The following RORA variants were observed in gnomAD, a reference collection of about 807,000 sequenced individuals.
RORA encodes the protein nuclear receptor ROR-alpha.
RORA carries 7 observed loss-of-function variants against 69.5 expected under a neutral mutation model. The observed-to-expected ratio is 0.10, with a 90% CI of 0.06 to 0.19. The LOEUF (loss-of-function observed/expected upper bound fraction) is 0.19, where lower values mean the gene tolerates loss of function less well. Among genes scored for constraint, RORA ranks in the 10% least tolerant of loss-of-function variants. RORA has a pLI of 1.00. For missense variants in RORA, 457 were observed against 663.0 expected (o/e 0.69, Z 3.41); for synonymous variants, 261 against 240.8 (o/e 1.08, Z -0.78).
intron 2 of RORA, among the ~76,000 whole-genome samples, chr15:60,656,204 A>G (rs2070219522): frequency 1.3e-5 from 2 of 152,222 alleles, no homozygotes; most frequent in Admixed American, 6.5e-5. Context: ...CACTTCGCAG[A>G]TACGGAAACC....
intron 1 of RORA, among the ~76,000 whole-genome samples, chr15:61,206,898 G>T (rs2140932796): frequency 6.6e-6 from 1 of 152,278 alleles, no homozygotes; most frequent in East Asian, 1.9e-4. Context: ...GACCCAAGAG[G>T]CAGGGTGTGA....
intron 1 of RORA, among the ~76,000 whole-genome samples, chr15:61,210,200 G>A (rs574460547): frequency 7.9e-5 from 12 of 152,308 alleles, no homozygotes; most frequent in African/African-American, 2.9e-4. Context: ...ATGTGCAGAA[G>A]CTCAGAATTG....
chr15:61,090,092 G>A (rs532878347), intron 1 of RORA, among the ~76,000 whole-genome samples: 38 of 152,310 alleles, frequency 2.5e-4, no homozygotes, highest in African/African-American at 5.3e-4. Context: ...TTCTCCATTC[G>A]TAATATTCAG....
At chr15:60,550,035 G>A (rs2067187269) in intron 2 of RORA, among the ~76,000 whole-genome samples, 2 of 152,246 alleles carry the variant, frequency 1.3e-5, no homozygotes, top group South Asian at 4.1e-4. Flanking sequence ...GCTCACGCCT[G>A]TAATCCCAGC....
At chr15:60,662,650 A>ATT (rs58816134) in intron 2 of RORA, among the ~76,000 whole-genome samples, 19 of 151,400 alleles carry the variant, frequency 1.3e-4, no homozygotes, top group South Asian at 4.2e-4. Context: ...AGAAAAAAAC[A>ATT]TTTTTTTTTC....
chr15:60,965,687 A>G (rs1340270191), intron 1 of RORA, among the ~76,000 whole-genome samples: 1 of 152,200 alleles, frequency 6.6e-6, no homozygotes, highest in African/African-American at 2.4e-5. Context: ...ATTAAGATGC[A>G]AAGAAGGTTG....
At chr15:60,679,808 C>T (rs1184746615) in intron 1 of RORA, among the ~76,000 whole-genome samples, 2 of 152,142 alleles carry the variant, frequency 1.3e-5, no homozygotes, top group African/African-American at 4.8e-5. Flanking sequence ...AAATCACACA[C>T]TTGCTCCCCC....
chr15:60,604,360 T>C (rs180774883), intron 2 of RORA, among the ~76,000 whole-genome samples: 9 of 152,270 alleles, frequency 5.9e-5, no homozygotes, highest in Admixed American at 1.3e-4. Context: ...TTAGTGAGTA[T>C]GCAAATTTGT....
At chr15:60,661,977 A>G (rs1444390966) in intron 2 of RORA, among the ~76,000 whole-genome samples, 1 of 152,234 alleles carries the variant, frequency 6.6e-6, no homozygotes, top group Non-Finnish European at 1.5e-5. Flanking sequence ...TCTTTTTCTC[A>G]GTCAACCACA....
chr15:60,869,802 C>T (rs898419257), intron 1 of RORA, among the ~76,000 whole-genome samples: 1 of 152,272 alleles, frequency 6.6e-6, no homozygotes. Flanking sequence ...TAAGGGGAAC[C>T]CTGGCCCTGA....
At chr15:61,152,793 G>A (rs942457558) in intron 1 of RORA, among the ~76,000 whole-genome samples, 16 of 152,246 alleles carry the variant, frequency 1.1e-4, no homozygotes, top group Admixed American at 3.3e-4. Flanking sequence ...GTTAAGCTGG[G>A]AGAAAATCAA....
chr15:60,704,570 G>C (rs1253110306), intron 1 of RORA, among the ~76,000 whole-genome samples: 1 of 152,216 alleles, frequency 6.6e-6, no homozygotes, highest in Non-Finnish European at 1.5e-5. Flanking sequence ...ATCTTTCAGA[G>C]AGGAGTGTTA....
At chr15:60,989,285 A>G (rs180975954) in intron 1 of RORA, among the ~76,000 whole-genome samples, 18 of 152,324 alleles carry the variant, frequency 1.2e-4, no homozygotes, top group African/African-American at 4.1e-4. Context: ...GGATTTGCCT[A>G]TTATGGATAT....
chr15:60,784,086 G>A (rs958970395), intron 1 of RORA, among the ~76,000 whole-genome samples: 1 of 152,064 alleles, frequency 6.6e-6, no homozygotes, highest in Non-Finnish European at 1.5e-5. Flanking sequence ...ATCTAACTGG[G>A]GAAAATAAGG....
chr15:60,903,103 G>C (rs576867321), intron 1 of RORA, among the ~76,000 whole-genome samples: 1 of 152,164 alleles, frequency 6.6e-6, no homozygotes, highest in Non-Finnish European at 1.5e-5. Context: ...TATTAGCTCA[G>C]AGGTGGCACT....
intron 2 of RORA, among the ~76,000 whole-genome samples, chr15:60,668,665 CCCAA>C (rs1292828155): frequency 1.3e-5 from 2 of 152,100 alleles, no homozygotes; most frequent in Non-Finnish European, 2.9e-5. Flanking sequence ...ATCCCGACGC[CCCAA>C]CCTGGTGAGG....
Position 61,226,815 on chromosome 15 carries a change from C to G in RORA, c.166+2238G>C, listed in dbSNP as rs967253150. Among the ~76,000 whole-genome samples, 2 of 152,088 alleles carry G rather than the reference C, an allele frequency of 1.3e-5. No individual in the cohort carries two copies. The highest frequency in any genetic ancestry group is 2.4e-5 in the African/African-American group (1 of 41,386). ...TTGAGTGTTTGGGCCTTACCACCCC[C>G]CTCCCATTAAATCTTCCAGGAGGGA... On this transcript the variant is annotated intron_variant, in intron 1 of 10. Coordinates refer to ENST00000335670, the MANE Select transcript of RORA (RefSeq NM_134261.3). This position sits in a 1 kb window ranked among gnomAD's most constrained non-coding sequence, Gnocchi z 4.2.
intron 1 of RORA, among the ~76,000 whole-genome samples, chr15:60,835,184 G>A (rs558741136): frequency 4.0e-4 from 61 of 152,286 alleles, no homozygotes; most frequent in African/African-American, 1.4e-3. Flanking sequence ...GGCTGCATCT[G>A]CACAAAGTGG....
chr15:60,989,685 A>T (rs377052208), intron 1 of RORA, among the ~76,000 whole-genome samples: 2 of 152,218 alleles, frequency 1.3e-5, no homozygotes, highest in African/African-American at 4.8e-5. Flanking sequence ...TCTAGTCCAG[A>T]CCACTCCAAA....
Sources: allele counts gnomAD v4.1 joint callset (sites outside exome capture counted in the v4.1 genomes callset), GRCh38; gene constraint gnomAD v4.1.1; non-coding constraint Gnocchi (gnomAD v3.1); transcripts MANE v1.5; gene names NCBI Gene and HGNC (gene_info 2026-07-23, HGNC 2026-07-21).